AIFM3: variants seen among roughly 807,000 people sequenced by gnomAD.
AIFM3 encodes the protein AIF family member 3.
In AIFM3, 71 loss-of-function variants were observed where a neutral mutation model predicts 82.7. That is an observed-to-expected ratio of 0.86 (90% confidence interval 0.71 to 1.05). AIFM3 has a LOEUF of 1.05. AIFM3 is among the 50% of genes least tolerant of loss of function. AIFM3 has a pLI of 0.00. For missense variants in AIFM3, 748 were observed against 816.7 expected (o/e 0.92, Z 1.03); for synonymous variants, 337 against 329.1 (o/e 1.02, Z -0.26).
At chr22:20,971,929 G>T (rs549380057) in intron 2 of AIFM3, among the ~76,000 whole-genome samples, 1 of 152,094 alleles carries the variant, frequency 6.6e-6, no homozygotes, top group South Asian at 2.1e-4. Context: ...AGCTGGCCCC[G>T]TGGGCACGCT....
rs927100374 is a variant in AIFM3 at position 20,973,988 on chromosome 22, G to T, written c.356-75G>T. On this transcript the variant is annotated intron_variant, in intron 4 of 20. Transcript: ENST00000440238. Reference sequence around the variant, plus strand: ...TCTCCTGGGCTGTGGGGAGGGGCCCGCAGTTGCCGGGGCACTGAGATCCTT... The same window carrying T: ...TCTCCTGGGCTGTGGGGAGGGGCCCTCAGTTGCCGGGGCACTGAGATCCTT... The T allele has an allele frequency of 2.7e-6, 4 of 1,504,182 alleles. No individual in the cohort carries two copies. In the East Asian group the frequency reaches 9.8e-5, roughly 37 times the overall value. The allele number at this position is 1,504,182 out of a possible 1,614,324, so 93.2% of individuals were successfully genotyped here.
intron 2 of AIFM3, among the ~76,000 whole-genome samples, chr22:20,972,551 C>T (rs1032953576): frequency 1.3e-5 from 2 of 152,098 alleles, no homozygotes; most frequent in Non-Finnish European, 2.9e-5. Flanking sequence ...GATTCACTGG[C>T]TGGGAACTGA....
chr22:20,979,188 AG>A, intron 16 of AIFM3, 82 bp from the exon 17 acceptor site: 1 of 1,403,116 alleles, frequency 7.1e-7, no homozygotes, highest in Non-Finnish European at 9.9e-7. Context: ...CACACGTGTC[AG>A]GGGTCCCCAG....
chr22:20,976,766 G>A lies in AIFM3; in HGVS notation c.1146G>A (p.Lys382=). The A allele has an allele frequency of 1.9e-6, 3 of 1,612,300 alleles. No individual in the cohort carries two copies. Among genetic ancestry groups the A allele is most frequent in the Non-Finnish European group, 2.5e-6 (3 of 1,179,170 alleles). ...LGERVGRALM[K]MFENNRVKFY... is the part of the protein sequence containing the mutation. ...AGCGCGTGGGTCGTGCCCTCATGAAGGTGAGCCCACCCCAGCACCCAGTGC... is the reference window on the plus strand; with the variant it reads ...AGCGCGTGGGTCGTGCCCTCATGAAAGTGAGCCCACCCCAGCACCCAGTGC... Residue 382 remains lysine (K), a splice_region_variant and synonymous_variant, in exon 12 of 21, where the codon AAG becomes AAA. Coordinates refer to ENST00000440238, the MANE Select transcript of AIFM3 (RefSeq NM_001386814.1).
intron 2 of AIFM3, among the ~76,000 whole-genome samples, chr22:20,972,995 C>T (rs975137346): frequency 5.3e-5 from 8 of 150,886 alleles, no homozygotes; most frequent in African/African-American, 1.5e-4. Flanking sequence ...TGCAGCGAGC[C>T]GAGATTGCAT....
intron 19 of AIFM3, 117 bp from the exon 20 acceptor site, chr22:20,980,630 G>T: frequency 3.0e-6 from 4 of 1,351,292 alleles, no homozygotes; most frequent in Non-Finnish European, 4.2e-6. Context: ...CCACTGGGAG[G>T]CTATGAGACA....
intron 19 of AIFM3, 77 bp from the exon 20 acceptor site, chr22:20,980,670 G>A: frequency 6.3e-7 from 1 of 1,595,308 alleles, no homozygotes. Flanking sequence ...AAACAATGGA[G>A]GACCAGAAGG....
intron 19 of AIFM3, 107 bp downstream of exon 19, chr22:20,980,231 T>G (rs766310294): frequency 3.6e-5 from 37 of 1,020,090 alleles, no homozygotes; most frequent in Non-Finnish European, 5.1e-5. Context: ...GCCTTTCCCC[T>G]CTTGGTTTGC....
chr22:20,968,512 C>T (rs558661402), intron 2 of AIFM3, among the ~76,000 whole-genome samples: 1 of 151,600 alleles, frequency 6.6e-6, no homozygotes, highest in East Asian at 2.0e-4. Flanking sequence ...CTTGGCCTTT[C>T]TGGGCACACT....
In AIFM3 at chr22:20,975,743, C is replaced by G; in HGVS notation, c.772C>G (p.Arg258Gly). Residue 258 changes from arginine (R) to glycine (G), a missense_variant, in exon 9 of 21, where the codon CGA (arginine) becomes GGA (glycine). Arg to Gly is a moderately radical substitution (Grantham distance 125). Around this residue, in one of 5 missense-constraint regions of AIFM3, gnomAD observed 393 missense variants for 481.1 expected, o/e 0.82. Transcript: ENST00000440238. Reference protein sequence around the residue: ...QLALRPKEFFRAYGIEVLTEA... With the variant: ...QLALRPKEFFGAYGIEVLTEA... ...GGCCCTGAGGCCCAAGGAGTTTTTC[C>G]GAGCCTATGGCATCGAGGTGCTCAC... The G allele has an allele frequency of 6.2e-7, 1 of 1,613,528 alleles. No individual in the cohort carries two copies. The highest frequency in any genetic ancestry group is 8.5e-7 in the Non-Finnish European group (1 of 1,179,996).
chr22:20,970,261 C>T (rs145746657), intron 2 of AIFM3, among the ~76,000 whole-genome samples: 7 of 152,252 alleles, frequency 4.6e-5, no homozygotes, highest in East Asian at 1.9e-4. Flanking sequence ...CTGTCACCAA[C>T]GAGGTAGGCA....
At position 20,977,689 on chromosome 22, in the gene AIFM3, C is replaced by T. The variant is rs779329700; in HGVS notation, c.1283-11C>T. ...GGACAGGGGAGTGGACACAGGCTTCCGTCCTGTCAGGTGCAGTGCCCGCCA... is the reference window on the plus strand; with the variant it reads ...GGACAGGGGAGTGGACACAGGCTTCTGTCCTGTCAGGTGCAGTGCCCGCCA... On this transcript the variant is annotated splice_polypyrimidine_tract_variant and intron_variant, in intron 14 of 20. Coordinates refer to ENST00000440238, the MANE Select transcript of AIFM3 (RefSeq NM_001386814.1). The T allele has an allele frequency of 3.8e-5, 61 of 1,613,564 alleles. No homozygotes were observed. Among genetic ancestry groups the T allele is most frequent in the Non-Finnish European group, 4.6e-5 (54 of 1,179,686 alleles).
chr22:20,979,290 C>T lies in AIFM3; in HGVS notation c.1497C>T (p.Asn499=), dbSNP rs569481399. 23 of 1,558,520 alleles carry T rather than the reference C, an allele frequency of 1.5e-5. No individual in the cohort carries two copies. The South Asian group carries it at 2.6e-4, about 18-fold the overall frequency. ...CCGCAGGGCGCGTGGCAGCCCAGAACATGTTGGCGCAGGAGGCGGAGATGA... is the reference window on the plus strand; with the variant it reads ...CCGCAGGGCGCGTGGCAGCCCAGAATATGTTGGCGCAGGAGGCGGAGATGA... ...AHAQGRVAAQ[N]MLAQEAEMST... Residue 499 remains asparagine, a synonymous_variant, in exon 17 of 21, where the codon AAC becomes AAT. Coordinates refer to ENST00000440238, the MANE Select transcript of AIFM3 (RefSeq NM_001386814.1).
intron 1 of AIFM3, among the ~76,000 whole-genome samples, chr22:20,967,507 G>A (rs929824333): frequency 5.3e-5 from 8 of 152,136 alleles, no homozygotes; most frequent in Admixed American, 3.9e-4. Context: ...AGGGGAAGGG[G>A]GGCACGAGGA....
chr22:20,980,979 C>A lies in AIFM3; in HGVS notation c.1779-13C>A. ...TTCTTCTGTCTTGACCCCTCCTCCC[C>A]TCACTCCTGCAGGACTGGCGACATG... On this transcript the variant is annotated splice_polypyrimidine_tract_variant and intron_variant, in intron 20 of 20. Coordinates refer to ENST00000440238, the MANE Select transcript of AIFM3 (RefSeq NM_001386814.1). 2 of 1,614,166 alleles carry A rather than the reference C, an allele frequency of 1.2e-6. No homozygotes were observed. Among genetic ancestry groups the A allele is most frequent in the South Asian group, 2.2e-5 (2 of 91,070 alleles).
At chr22:20,978,490 G>A (rs1262298966) in intron 16 of AIFM3, among the ~76,000 whole-genome samples, 1 of 151,988 alleles carries the variant, frequency 6.6e-6, no homozygotes, top group Admixed American at 6.6e-5. Flanking sequence ...ATGTTTGCTG[G>A]CCACCAAGTC....
chr22:20,980,872 G>A, intron 20 of AIFM3, 105 bp downstream of exon 20: 9 of 1,607,712 alleles, frequency 5.6e-6, no homozygotes, highest in Non-Finnish European at 7.7e-6. Context: ...CTCCCTGCTG[G>A]GCACTAGGGT....
chr22:20,979,943 G>A (rs1430009702), intron 18 of AIFM3, 77 bp from the exon 19 acceptor site: 1 of 1,387,372 alleles, frequency 7.2e-7, no homozygotes, highest in African/African-American at 1.4e-5. Flanking sequence ...GGCCCCAGAT[G>A]GACAGCAGTG....
chr22:20,972,936 A>C (rs1923361586), intron 2 of AIFM3, among the ~76,000 whole-genome samples: 1 of 151,992 alleles, frequency 6.6e-6, no homozygotes, highest in South Asian at 2.1e-4. Context: ...AGTCCCAGCT[A>C]CTGGGGAGGC....
Sources: allele counts gnomAD v4.1 joint callset (sites outside exome capture counted in the v4.1 genomes callset), GRCh38; gene constraint gnomAD v4.1.1; regional missense constraint gnomAD v4.1.1; transcripts MANE v1.5; gene names NCBI Gene and HGNC (gene_info 2026-07-23, HGNC 2026-07-21).